The following SHISA6 variants were observed in gnomAD, a reference collection of about 807,000 sequenced individuals.
SHISA6 encodes shisa family member 6.
SHISA6 carries 22 observed loss-of-function variants against 47.9 expected under a neutral mutation model. That is an observed-to-expected ratio of 0.46 (90% confidence interval 0.33 to 0.66). SHISA6 has a LOEUF of 0.66. SHISA6 is among the 30% of genes least tolerant of loss of function. The pLI, the probability that SHISA6 is intolerant of heterozygous loss-of-function variation, is 0.02. For synonymous variants in SHISA6, 388 were observed against 337.8 expected (o/e 1.15, Z -1.63); for missense variants, 680 against 764.6 (o/e 0.89, Z 1.30).
intron 2 of SHISA6, among the ~76,000 whole-genome samples, chr17:11,335,323 A>G (rs1440181622): frequency 1.3e-5 from 2 of 152,164 alleles, no homozygotes; most frequent in Non-Finnish European, 2.9e-5. Context: ...TGACAAATGA[A>G]TATGGGTGAA....
At chr17:11,439,402 A>C (rs367543958) in intron 3 of SHISA6, among the ~76,000 whole-genome samples, 2 of 152,172 alleles carry the variant, frequency 1.3e-5, no homozygotes, top group African/African-American at 4.8e-5. Flanking sequence ...CATGCTGCTC[A>C]GATAGTAACA....
At chr17:11,405,856 G>A (rs1172040484) in intron 3 of SHISA6, among the ~76,000 whole-genome samples, 1 of 152,052 alleles carries the variant, frequency 6.6e-6, no homozygotes, top group African/African-American at 2.4e-5. Flanking sequence ...TTTGGGAGCT[G>A]TTTTACACCA....
At chr17:11,455,092 C>G (rs1030530983) in intron 3 of SHISA6, among the ~76,000 whole-genome samples, 3 of 151,982 alleles carry the variant, frequency 2.0e-5, no homozygotes, top group Non-Finnish European at 4.4e-5. Context: ...TGGTGTGAAC[C>G]CAGGAGGTGG....
chr17:11,405,035 G>C (rs1434512457), intron 3 of SHISA6, among the ~76,000 whole-genome samples: 1 of 152,064 alleles, frequency 6.6e-6, no homozygotes, highest in African/African-American at 2.4e-5. Context: ...TGCAGAGCGA[G>C]ACAGTAGTTT....
rs1567629708 is a variant in SHISA6 at position 11,526,629 on chromosome 17, G to C, written c.896-25267G>C. Among the ~76,000 whole-genome samples, 2 of 152,026 alleles carry C rather than the reference G, an allele frequency of 1.3e-5. 1 individual carries two copies. Among genetic ancestry groups the C allele is most frequent in the South Asian group, 4.1e-4 (2 of 4,820 alleles). ...AACTTCCCCGATGGTTCATCTGGGG[G>C]TCTTTTCTACTTAGAACCCAATGAT... On this transcript the variant is annotated intron_variant, in intron 3 of 5. Transcript: ENST00000441885.
chr17:11,272,743 C>A (rs144851126), intron 2 of SHISA6, among the ~76,000 whole-genome samples: 2 of 152,214 alleles, frequency 1.3e-5, no homozygotes, highest in African/African-American at 4.8e-5. Flanking sequence ...TGATGTGAAC[C>A]CCATATTTGG....
Position 11,563,910 on chromosome 17 carries a change from T to A in SHISA6, c.*5606T>A, listed in dbSNP as rs949874975. The A allele has an allele frequency of 2.6e-5, 4 of 152,234 alleles. No homozygotes were observed. Among genetic ancestry groups the A allele is most frequent in the Non-Finnish European group, 5.9e-5 (4 of 68,038 alleles). The allele number at this position is 152,234 out of a possible 1,614,324, so 9.4% of individuals were successfully genotyped here. A position where few individuals can be genotyped will look rare whatever the true frequency, so the allele number is the denominator to read the frequency against. ...TAAGCAGTGCTCTAGTAACTGCTTC[T>A]CTGTACAAATCTCATCGTTCTACTT... On this transcript the variant is annotated 3_prime_UTR_variant, in exon 6 of 6. Transcript: ENST00000441885.
chr17:11,401,312 C>G (rs528913249), intron 3 of SHISA6, among the ~76,000 whole-genome samples: 42 of 152,292 alleles, frequency 2.8e-4, no homozygotes, highest in Non-Finnish European at 4.1e-4. Flanking sequence ...CCTCCCACAC[C>G]AGCCTCCTGA....
At chr17:11,317,676 T>A (rs1350025600) in intron 2 of SHISA6, among the ~76,000 whole-genome samples, 1 of 152,012 alleles carries the variant, frequency 6.6e-6, no homozygotes, top group Non-Finnish European at 1.5e-5. Context: ...CTGTTTTTCT[T>A]CCTTTCTTCC....
intron 2 of SHISA6, among the ~76,000 whole-genome samples, chr17:11,334,817 C>A (rs796955064): frequency 3.9e-5 from 6 of 152,204 alleles, no homozygotes; most frequent in African/African-American, 1.4e-4. Context: ...CTGTGGACAC[C>A]TGGAATTCAG....
intron 2 of SHISA6, among the ~76,000 whole-genome samples, chr17:11,338,494 A>G (rs1023353823): frequency 3.9e-5 from 6 of 151,952 alleles, no homozygotes; most frequent in African/African-American, 1.5e-4. Context: ...CTCTGCCTCC[A>G]GGGTTCAAGC....
chr17:11,242,135 C>A, intron 1 of SHISA6, 75 bp downstream of exon 1: 2 of 1,529,020 alleles, frequency 1.3e-6, no homozygotes, highest in Non-Finnish European at 8.8e-7. Context: ...CTGTCCTCTT[C>A]ACTCTCGGCA....
intron 3 of SHISA6, among the ~76,000 whole-genome samples, chr17:11,419,587 A>G (rs1914393745): frequency 6.6e-6 from 1 of 152,234 alleles, no homozygotes; most frequent in African/African-American, 2.4e-5. Flanking sequence ...TCTTAAAAAC[A>G]GCATGCAAAG....
At chr17:11,493,588 CACACACACAT>C (rs779978062) in intron 3 of SHISA6, among the ~76,000 whole-genome samples, 1,640 of 152,302 alleles carry the variant, frequency 0.011, 18 homozygotes, top group Non-Finnish European at 0.016. Context: ...CGCGCACACA[CACACACACAT>C]ACACACACCA....
At chr17:11,343,649 A>G (rs1409183289) in intron 2 of SHISA6, among the ~76,000 whole-genome samples, 1 of 152,148 alleles carries the variant, frequency 6.6e-6, no homozygotes, top group Admixed American at 6.5e-5. Flanking sequence ...AGATTAGCCT[A>G]TGTGATGGAA....
At chr17:11,351,882 T>C (rs1386442644) in intron 2 of SHISA6, among the ~76,000 whole-genome samples, 1 of 152,244 alleles carries the variant, frequency 6.6e-6, no homozygotes, top group Non-Finnish European at 1.5e-5. Flanking sequence ...AATGATGACC[T>C]ATAGGTTTTT....
chr17:11,296,217 C>A (rs975166538), intron 2 of SHISA6, among the ~76,000 whole-genome samples: 6 of 151,940 alleles, frequency 3.9e-5, no homozygotes, highest in African/African-American at 1.4e-4. Flanking sequence ...ATGACATGGT[C>A]ATCTTTACAT....
At chr17:11,456,275 T>G (rs1289071124) in intron 3 of SHISA6, among the ~76,000 whole-genome samples, 2 of 152,160 alleles carry the variant, frequency 1.3e-5, no homozygotes, top group Non-Finnish European at 2.9e-5. Flanking sequence ...CCGGTTGTGC[T>G]CTGCACCGAG....
intron 3 of SHISA6, among the ~76,000 whole-genome samples, chr17:11,545,349 G>T (rs1350669959): frequency 1.3e-5 from 2 of 152,088 alleles, no homozygotes; most frequent in East Asian, 3.8e-4. Context: ...CAAAATTATA[G>T]GAATGAACGA....
Sources: gnomAD v4.1 joint callset for allele counts (sites outside exome capture counted in the v4.1 genomes callset) on GRCh38, gnomAD v4.1.1 for gene constraint, MANE v1.5 for transcripts, NCBI Gene and HGNC (gene_info 2026-07-23, HGNC 2026-07-21) for gene names.